MGMT: variants seen among roughly 807,000 people sequenced by gnomAD.
MGMT encodes the protein methylated-DNA--protein-cysteine methyltransferase.
A neutral mutation model predicts 15.9 loss-of-function variants in MGMT; 14 were observed. That is an observed-to-expected ratio of 0.88 (90% CI 0.58 to 1.37). MGMT has a LOEUF of 1.37. Among genes scored for constraint, MGMT ranks in the 40% most tolerant of loss-of-function variants. The probability of loss-of-function intolerance (pLI) is 0.00; values close to 1 mark genes in which losing one functional copy is unlikely to be tolerated. For synonymous variants in MGMT, 130 were observed against 118.2 expected, an observed-to-expected ratio of 1.10 and a Z score of -0.65; for missense variants, 282 against 268.1, an observed-to-expected ratio of 1.05 and a Z score of -0.36.
At chr10:129,506,238 G>A (rs868195720) in intron 1 of MGMT, among the ~76,000 whole-genome samples, 3 of 152,174 alleles carry the variant, frequency 2.0e-5, no homozygotes, top group African/African-American at 4.8e-5. Context: ...CGGTACTGTC[G>A]TGGTTGAGAC....
chr10:129,554,228 C>T (rs1846188966), intron 2 of MGMT, among the ~76,000 whole-genome samples: 3 of 152,226 alleles, frequency 2.0e-5, no homozygotes, highest in African/African-American at 7.2e-5. Flanking sequence ...GGTCATACGC[C>T]ATCTGGGGAC....
At chr10:129,560,960 T>C (rs1235273441) in intron 2 of MGMT, among the ~76,000 whole-genome samples, 2 of 95,758 alleles carry the variant, frequency 2.1e-5, no homozygotes, top group African/African-American at 4.1e-5. Context: ...GAGCAGTGTG[T>C]GTGTGTGTGT....
intron 2 of MGMT, among the ~76,000 whole-genome samples, chr10:129,579,445 G>A (rs987215868): frequency 9.9e-5 from 15 of 152,228 alleles, no homozygotes; most frequent in Admixed American, 7.8e-4. Flanking sequence ...GATGGAACTC[G>A]GCCTGCCCCG....
chr10:129,632,557 A>G (rs117648888), intron 2 of MGMT, among the ~76,000 whole-genome samples: 3,916 of 152,310 alleles, frequency 0.026, 80 homozygotes, highest in South Asian at 0.06. Context: ...TGATTCCTTC[A>G]TTTATCCCAC....
At chr10:129,599,855 A>G (rs550389) in intron 2 of MGMT, among the ~76,000 whole-genome samples, 65,213 of 151,816 alleles carry the variant, frequency 0.43, 15,141 homozygotes, top group East Asian at 0.64. Context: ...GTGACAGAGC[A>G]ACTTAATTGT....
intron 2 of MGMT, among the ~76,000 whole-genome samples, chr10:129,552,679 T>C (rs1188433196): frequency 1.3e-5 from 2 of 152,124 alleles, no homozygotes; most frequent in African/African-American, 4.8e-5. Context: ...CTTGCCCGAG[T>C]TCCTGAGACT....
intron 3 of MGMT, among the ~76,000 whole-genome samples, chr10:129,718,744 G>A (rs1448008925): frequency 6.6e-6 from 1 of 151,962 alleles, no homozygotes; most frequent in Non-Finnish European, 1.5e-5. Context: ...GCCTGCTAAG[G>A]CGTGTCACCT....
rs542459619 is a variant in MGMT at position 129,650,328 on chromosome 10, G to A, written c.126-57567G>A. Among the ~76,000 whole-genome samples, 356 of 152,332 alleles carry A rather than the reference G, an allele frequency of 2.3e-3. 1 individual carries two copies. The highest frequency in any genetic ancestry group is 8.0e-3 in the African/African-American group (333 of 41,586). ...AATCTGGTGTCTCTGTGGAAGCAAT[G>A]CCAGTCCTCTAATTCATCTTCGCCA... On this transcript the variant is annotated intron_variant, in intron 2 of 4. Coordinates refer to ENST00000651593, the MANE Select transcript of MGMT (RefSeq NM_002412.5).
intron 2 of MGMT, among the ~76,000 whole-genome samples, chr10:129,667,825 T>C (rs181957176): frequency 1.2e-4 from 19 of 152,376 alleles, no homozygotes; most frequent in African/African-American, 4.6e-4. Flanking sequence ...ATTGTGGTTT[T>C]AATTTTCATT....
intron 2 of MGMT, among the ~76,000 whole-genome samples, chr10:129,627,453 A>G (rs937768844): frequency 6.6e-6 from 1 of 152,090 alleles, no homozygotes; most frequent in Non-Finnish European, 1.5e-5. Flanking sequence ...TTTTGCAATG[A>G]AGAATTCAGT....
At chr10:129,673,102 A>G (rs1308526898) in intron 2 of MGMT, among the ~76,000 whole-genome samples, 2 of 152,124 alleles carry the variant, frequency 1.3e-5, no homozygotes, top group Admixed American at 6.5e-5. Flanking sequence ...AGGGTGCTCA[A>G]AGGACCCTGC....
At chr10:129,641,239 G>A (rs77841842) in intron 2 of MGMT, among the ~76,000 whole-genome samples, 7,318 of 152,230 alleles carry the variant, frequency 0.048, 213 homozygotes, top group Middle Eastern at 0.088. Flanking sequence ...AAAATGTGCA[G>A]TAGTTCATGT....
At chr10:129,737,493 G>GT in intron 3 of MGMT, among the ~76,000 whole-genome samples, 1 of 152,158 alleles carries the variant, frequency 6.6e-6, no homozygotes, top group East Asian at 1.9e-4. Flanking sequence ...TTTGCCTTTG[G>GT]TTTGAATGTC....
intron 1 of MGMT, among the ~76,000 whole-genome samples, chr10:129,502,843 GACAA>G (rs1040340924): frequency 1.3e-5 from 2 of 152,080 alleles, no homozygotes; most frequent in African/African-American, 4.8e-5. Context: ...AAGATGTCGA[GACAA>G]ACAAGCCTTA....
chr10:129,733,975 G>C (rs1589965454), intron 3 of MGMT, among the ~76,000 whole-genome samples: 1 of 150,980 alleles, frequency 6.6e-6, no homozygotes, highest in East Asian at 2.0e-4. Flanking sequence ...TTGTAGTATA[G>C]TTTGAAGTCA....
chr10:129,639,947 CAAAA>C (rs35965727), intron 2 of MGMT, among the ~76,000 whole-genome samples: 3 of 116,268 alleles, frequency 2.6e-5, no homozygotes, highest in Admixed American at 8.6e-5. Flanking sequence ...CTAGACTGAC[CAAAA>C]AAAAAAAAAA....
At chr10:129,580,987 C>T (rs763978524) in intron 2 of MGMT, among the ~76,000 whole-genome samples, 6 of 152,204 alleles carry the variant, frequency 3.9e-5, no homozygotes, top group Non-Finnish European at 5.9e-5. Context: ...GGAATCAAAG[C>T]AGGTGCTTGG....
At chr10:129,491,857 CTTA>C (rs750102942) in intron 1 of MGMT, among the ~76,000 whole-genome samples, 23 of 152,174 alleles carry the variant, frequency 1.5e-4, no homozygotes, top group African/African-American at 4.1e-4. Context: ...GTCTTTTCCT[CTTA>C]TTATTAAGTG....
Position 129,590,034 on chromosome 10 carries a change from C to T in MGMT, c.125+53657C>T, listed in dbSNP as rs559188337. Among the ~76,000 whole-genome samples the T allele has an allele frequency of 3.9e-5, 6 of 152,226 alleles. No individual in the cohort carries two copies. In the South Asian group the frequency reaches 6.2e-4, roughly 16 times the overall value. On this transcript the variant is annotated intron_variant, in intron 2 of 4. Coordinates refer to ENST00000651593, the MANE Select transcript of MGMT (RefSeq NM_002412.5). ...ACAGGATGGGTGGTTGAATGGAGTGCGGATCATGAGATCATCACAGGGCCA... is the reference window on the plus strand; with the variant it reads ...ACAGGATGGGTGGTTGAATGGAGTGTGGATCATGAGATCATCACAGGGCCA...
Sources: allele counts gnomAD v4.1 joint callset (sites outside exome capture counted in the v4.1 genomes callset), GRCh38; gene constraint gnomAD v4.1.1; transcripts MANE v1.5; gene names NCBI Gene and HGNC (gene_info 2026-07-23, HGNC 2026-07-21).